The following KLHL15 variants were observed in gnomAD, a reference collection of about 807,000 sequenced individuals.
KLHL15 encodes the protein kelch-like protein 15.
Under a neutral mutation model 29.3 loss-of-function variants are expected in KLHL15, and 1 was observed. The ratio of observed to expected loss-of-function variants is 0.03; its 90% CI spans 0.01 to 0.16. The LOEUF (loss-of-function observed/expected upper bound fraction) is 0.16. KLHL15 is among the 10% of genes least tolerant of loss of function. KLHL15 has a pLI of 1.00. For synonymous variants in KLHL15, 212 were observed against 184.5 expected (o/e 1.15, Z -1.21); for missense variants, 215 against 478.5 (o/e 0.45, Z 5.14).
rs1170812403 is a variant in KLHL15, at chrX:24,006,433, T to C, written c.261A>G (p.Gln87=). Reference sequence around the variant, plus strand: ...GCTCTATAGTTCCATAGTACATAAATTGCAGGACATGGCTGAAACCGGTAG... The same window carrying C: ...GCTCTATAGTTCCATAGTACATAAACTGCAGGACATGGCTGAAACCGGTAG... ...LTATGFSHVL[Q]FMYYGTIELS... The change falls in exon 3 of 4, where the codon CAA becomes CAG. Residue 87 remains glutamine (Q), a synonymous_variant. Transcript: ENST00000328046. 1.2e-5 allele frequency: 15 copies of C among 1,209,667 alleles called. No individual in the cohort carries two copies. Among genetic ancestry groups the C allele is most frequent in the African/African-American group, 8.7e-5 (5 of 57,160 alleles).
chrX:24,013,336 C>T (rs1440991198), intron 2 of KLHL15, among the ~76,000 whole-genome samples: 1 of 111,277 alleles, frequency 9.0e-6, no homozygotes, highest in Non-Finnish European at 1.9e-5. Flanking sequence ...GATCTCCACT[C>T]ACTGCAACCT....
In KLHL15 at chrX:24,006,799, TACTG is replaced by T. The variant is rs1401379806; in HGVS notation, c.-7-103_-7-100del. On this transcript the variant is annotated intron_variant, in intron 2 of 3. Transcript: ENST00000328046. Reference sequence around the variant, plus strand: ...ACAATTTTTGCTATTATCTCAATTCTACTGACTAAGTCCAAAATGTACAAGTCCT... The same window carrying T: ...ACAATTTTTGCTATTATCTCAATTCTACTAAGTCCAAAATGTACAAGTCCT... 15 of 648,197 alleles carry T rather than the reference TACTG, an allele frequency of 2.3e-5. 1 individual carries two copies. The highest frequency in any genetic ancestry group is 1.2e-4 in the Admixed American group (3 of 25,296). The allele number at this position is 648,197 out of a possible 1,213,427, so 53.4% of individuals were successfully genotyped here.
At chrX:24,011,888 G>A (rs12392646) in intron 2 of KLHL15, among the ~76,000 whole-genome samples, 20,058 of 112,019 alleles carry the variant, frequency 0.18, 1,482 homozygotes, top group South Asian at 0.52. Context: ...GGTGGCTCAC[G>A]CCTGTAATCC....
At chrX:24,004,554 AG>A (rs1929405721) in intron 3 of KLHL15, among the ~76,000 whole-genome samples, 1 of 111,545 alleles carries the variant, frequency 9.0e-6, no homozygotes, top group Non-Finnish European at 1.9e-5. Flanking sequence ...GCACTTTGGG[AG>A]GCCAAGGCGG....
chrX:23,993,699 A>T (rs938205161), intron 3 of KLHL15, among the ~76,000 whole-genome samples: 4 of 109,700 alleles, frequency 3.6e-5, no homozygotes, highest in African/African-American at 1.0e-4. Flanking sequence ...GTGATATGGC[A>T]GCTGTAGGAA....
At position 24,019,644 on chromosome X, in the gene KLHL15, A is replaced by AACACACAC. The variant is rs200893692; in HGVS notation, c.-8+5205_-8+5212dup. 5.5e-4 allele frequency among the ~76,000 whole-genome samples: 59 copies of AACACACAC among 107,177 alleles called. No homozygotes were observed. The South Asian group carries it at 0.021, about 38-fold the overall frequency. 93.1% of individuals were successfully genotyped at this position (107,177 alleles called of 115,157 possible). A position where few individuals can be genotyped will look rare whatever the true frequency, so the allele number is the denominator to read the frequency against. On this transcript the variant is annotated intron_variant, in intron 2 of 3. Coordinates refer to ENST00000328046, the MANE Select transcript of KLHL15 (RefSeq NM_030624.3). The stretch of plus-strand genomic sequence containing the variant: ...ACTGAAAGTGTAAGAGATAAGTGAC[A>AACACACAC]ACACACACACACACACACACACGTG...
At chrX:24,022,272 T>G (rs1445278516) in intron 2 of KLHL15, among the ~76,000 whole-genome samples, 15 of 103,082 alleles carry the variant, frequency 1.5e-4, no homozygotes, top group Admixed American at 1.1e-3. Flanking sequence ...GAGGCGGAGG[T>G]TGCAGTGAGC....
chrX:23,996,767 T>C (rs1929198925), intron 3 of KLHL15, among the ~76,000 whole-genome samples: 1 of 112,180 alleles, frequency 8.9e-6, no homozygotes, highest in South Asian at 3.6e-4. Context: ...TGCAAAACTA[T>C]GTACCCTGGT....
intron 2 of KLHL15, among the ~76,000 whole-genome samples, chrX:24,017,184 C>T (rs1377648372): frequency 9.8e-6 from 1 of 101,907 alleles, no homozygotes; most frequent in Non-Finnish European, 2.0e-5. Flanking sequence ...TGTACTCCAG[C>T]CTGGGCAACA....
chrX:24,022,341 T>TTA (rs1369135734), intron 2 of KLHL15, among the ~76,000 whole-genome samples: 12 of 41,095 alleles, frequency 2.9e-4, no homozygotes, highest in South Asian at 2.8e-3. Context: ...TCTCAAAAGA[T>TTA]AAAAAAAAAA....
At position 23,988,917 on chromosome X, in the gene KLHL15, G is replaced by A. The variant is rs1435953985; in HGVS notation, c.819C>T (p.Ser273=). 2.5e-6 allele frequency: 3 copies of A among 1,209,982 alleles called. No homozygotes were observed. The highest frequency in any genetic ancestry group is 3.4e-6 in the Non-Finnish European group (3 of 895,297). ...HQQPLLDMKS[S]RIRSAKPQTT... is the part of the protein sequence containing the mutation. ...TTTGCGGTTTTGCAGAACGGATGCG[G>A]CTTGACTTCATATCCAACAAAGGCT... The change falls in exon 4 of 4, where the codon AGC becomes AGT. Residue 273 remains serine (S), a synonymous_variant. Transcript: ENST00000328046.
chrX:24,023,959 G>A (rs1013137945), intron 2 of KLHL15, among the ~76,000 whole-genome samples: 4 of 111,881 alleles, frequency 3.6e-5, no homozygotes, highest in Non-Finnish European at 7.5e-5. Flanking sequence ...TAAAATTAGG[G>A]CATATATGTC....
chrX:24,017,997 T>C (rs752279365), intron 2 of KLHL15, among the ~76,000 whole-genome samples: 2 of 109,873 alleles, frequency 1.8e-5, no homozygotes, highest in Non-Finnish European at 3.8e-5. Flanking sequence ...CCCAGCTACT[T>C]GGGAGGCTGA....
intron 3 of KLHL15, among the ~76,000 whole-genome samples, chrX:23,998,349 T>A (rs993289926): frequency 9.1e-6 from 1 of 110,191 alleles, no homozygotes; most frequent in Non-Finnish European, 1.9e-5. Flanking sequence ...CTCCACCTCC[T>A]GGGTTCATGC....
intron 1 of KLHL15, among the ~76,000 whole-genome samples, chrX:24,025,979 C>T (rs747582200): frequency 1.8e-5 from 2 of 110,420 alleles, no homozygotes; most frequent in African/African-American, 6.6e-5. Context: ...CCACCCTCGA[C>T]AAGTTGAGGG....
At chrX:24,015,025 G>A (rs1373394452) in intron 2 of KLHL15, among the ~76,000 whole-genome samples, 3 of 111,941 alleles carry the variant, frequency 2.7e-5, no homozygotes, top group South Asian at 7.4e-4. Context: ...TGAACGCCTC[G>A]TTCTCCCAGT....
intron 2 of KLHL15, among the ~76,000 whole-genome samples, chrX:24,010,057 A>AT (rs1929544067): frequency 9.1e-6 from 1 of 109,752 alleles, no homozygotes; most frequent in Non-Finnish European, 1.9e-5. Flanking sequence ...CAATGTTCAC[A>AT]TAAGATCAGC....
rs1929010348 is a variant in KLHL15 at position 23,987,671 on chromosome X, T to A, written c.*250A>T. 1 of 308,863 alleles carries A rather than the reference T, an allele frequency of 3.2e-6. No homozygotes were observed. Among genetic ancestry groups the A allele is most frequent in the Non-Finnish European group, 5.6e-6 (1 of 177,904 alleles). The allele number at this position is 308,863 out of a possible 1,213,427, so 25.5% of individuals were successfully genotyped here. ...TAAAGCAGAAAATCAATATCCCAGA[T>A]AAGTGGAGCATTCTATTCAACTGCT... is the stretch of plus-strand genomic sequence containing the variant. On this transcript the variant is annotated 3_prime_UTR_variant, in exon 4 of 4. Coordinates refer to ENST00000328046, the MANE Select transcript of KLHL15 (RefSeq NM_030624.3).
Position 24,006,388 on chromosome X carries a change from A to G in KLHL15, c.306T>C (p.His102=). Residue 102 remains histidine (H), a synonymous_variant, in exon 3 of 4, where the codon CAT becomes CAC. Transcript: ENST00000328046. The part of the protein sequence containing the change: ...GTIELSMNTV[H]EILQAAMYVQ... ...CATACATGGCAGCCTGAAGAATCTC[A>G]TGAACGGTATTCATACTCAGCTCTA... 8.4e-7 allele frequency: 1 copy of G among 1,195,416 alleles called. No homozygotes were observed.
Sources: gnomAD v4.1 joint callset for allele counts (sites outside exome capture counted in the v4.1 genomes callset) on GRCh38, gnomAD v4.1.1 for gene constraint, MANE v1.5 for transcripts, NCBI Gene and HGNC (gene_info 2026-07-23, HGNC 2026-07-21) for gene names.